C6: variants seen among roughly 807,000 people sequenced by gnomAD.
C6 encodes complement component C6.
C6 carries 101 observed loss-of-function variants against 112.9 expected under a neutral mutation model. The observed-to-expected ratio is 0.89, with a 90% CI of 0.76 to 1.06. C6 has a LOEUF of 1.06. Among genes scored for constraint, C6 ranks in the 50% least tolerant of loss-of-function variants. C6 has a pLI of 0.00. For synonymous variants in C6, 431 were observed against 384.1 expected (o/e 1.12, Z -1.43); for missense variants, 1,202 against 1,104.6 (o/e 1.09, Z -1.25).
chr5:41,232,679 G>A (rs1032632241), intron 1 of C6, among the ~76,000 whole-genome samples: 1 of 151,918 alleles, frequency 6.6e-6, no homozygotes, highest in African/African-American at 2.4e-5. Flanking sequence ...AGTCATTCAT[G>A]ATCTTTTTTG....
At chr5:41,221,149 TA>T (rs962765965) in intron 1 of C6, among the ~76,000 whole-genome samples, 1 of 152,158 alleles carries the variant, frequency 6.6e-6, no homozygotes, top group Admixed American at 6.6e-5. Flanking sequence ...AGAGCTGTTT[TA>T]TTTTTTTGCT....
intron 1 of C6, among the ~76,000 whole-genome samples, chr5:41,226,553 G>T (rs1164827580): frequency 1.3e-5 from 2 of 152,140 alleles, no homozygotes; most frequent in Non-Finnish European, 2.9e-5. Flanking sequence ...TCCTGAACTT[G>T]TTCCTCCTGT....
At chr5:41,191,158 C>T (rs1750175201) in intron 5 of C6, among the ~76,000 whole-genome samples, 1 of 150,544 alleles carries the variant, frequency 6.6e-6, no homozygotes, top group African/African-American at 2.5e-5. Context: ...CCTCCACCTC[C>T]CGGGTTCAAG....
intron 8 of C6, among the ~76,000 whole-genome samples, chr5:41,173,033 T>C (rs1016461156): frequency 6.6e-6 from 1 of 152,130 alleles, no homozygotes; most frequent in South Asian, 2.1e-4. Context: ...GGCTATTCTA[T>C]CTCTTCATGT....
At chr5:41,160,513 T>C in intron 10 of C6, 146 bp from the exon 11 acceptor site, 1 of 697,450 alleles carries the variant, frequency 1.4e-6, no homozygotes, top group Non-Finnish European at 2.6e-6. Context: ...TTGCACCTGT[T>C]GAACCAGTAG....
In C6 at chr5:41,142,572, A is replaced by G; in HGVS notation, c.*253T>C. The G allele has an allele frequency of 1.9e-6, 1 of 533,280 alleles. No individual in the cohort carries two copies. The highest frequency in any genetic ancestry group is 3.2e-5 in the East Asian group (1 of 31,624). The allele number at this position is 533,280 out of a possible 1,614,324, so 33.0% of individuals were successfully genotyped here. On this transcript the variant is annotated 3_prime_UTR_variant, in exon 18 of 18. Coordinates refer to ENST00000337836, the MANE Select transcript of C6 (RefSeq NM_000065.5). The stretch of plus-strand genomic sequence containing the variant: ...CACATTATTTTTGTACAATGTGAAC[A>G]GGAGAATTTACGAGACTGCTGTGGA...
At chr5:41,217,969 T>A (rs1258965953), upstream of C6, among the ~76,000 whole-genome samples, 1 of 152,154 alleles carries the variant, frequency 6.6e-6, no homozygotes, top group African/African-American at 2.4e-5. Context: ...AATCACAATC[T>A]AATGTTTTGG....
upstream of C6, among the ~76,000 whole-genome samples, chr5:41,216,237 A>G (rs541947375): frequency 1.3e-5 from 2 of 152,248 alleles, no homozygotes; most frequent in Middle Eastern, 3.4e-3. Flanking sequence ...TCTATGTGAT[A>G]AATACAACCA....
chr5:41,187,033 A>T (rs1038985507), intron 5 of C6, among the ~76,000 whole-genome samples: 1 of 152,176 alleles, frequency 6.6e-6, no homozygotes, highest in Non-Finnish European at 1.5e-5. Flanking sequence ...TATTACATAG[A>T]TTATAAAAAT....
In C6 at chr5:41,154,048, A is replaced by G. The variant is rs4957374; in HGVS notation, c.2102-50T>C. On this transcript the variant is annotated intron_variant, in intron 14 of 17. Coordinates refer to ENST00000337836, the MANE Select transcript of C6 (RefSeq NM_000065.5). ...GTGTTTAGTGGAGCAGAATAAACAA[A>G]AAATTTAGGCAAATTTTGTGCAACC... The G allele has an allele frequency of 1.9e-6, 3 of 1,567,346 alleles. No individual in the cohort carries two copies. The African/African-American group carries it at 4.1e-5, about 21-fold the overall frequency.
At chr5:41,206,652 G>T (rs1751458476) in intron 1 of C6, among the ~76,000 whole-genome samples, 1 of 152,164 alleles carries the variant, frequency 6.6e-6, no homozygotes, top group Non-Finnish European at 1.5e-5. Flanking sequence ...TGAATGAAAT[G>T]AAGTGAGAAG....
chr5:41,191,140 C>T (rs1279672911), intron 5 of C6, among the ~76,000 whole-genome samples: 2 of 137,440 alleles, frequency 1.5e-5, no homozygotes, highest in African/African-American at 5.5e-5. Context: ...GACCTCTGCT[C>T]ACTGCAACCT....
intron 7 of C6, among the ~76,000 whole-genome samples, chr5:41,178,963 C>T (rs1749096132): frequency 6.6e-6 from 1 of 152,176 alleles, no homozygotes; most frequent in South Asian, 2.1e-4. Flanking sequence ...AAGTGATTCT[C>T]CTGTCTCAGC....
At chr5:41,227,625 A>C (rs78525668) in intron 1 of C6, among the ~76,000 whole-genome samples, 1 of 152,092 alleles carries the variant, frequency 6.6e-6, no homozygotes, top group Non-Finnish European at 1.5e-5. Context: ...TGTGTCTTTG[A>C]TAACTTTTCA....
upstream of C6, among the ~76,000 whole-genome samples, chr5:41,218,116 G>A (rs1203746415): frequency 6.6e-6 from 1 of 152,078 alleles, no homozygotes; most frequent in Non-Finnish European, 1.5e-5. Context: ...ATACAAAGAT[G>A]AATACTTTCG....
intron 1 of C6, among the ~76,000 whole-genome samples, chr5:41,259,286 T>TTA (rs1741899044): frequency 6.6e-6 from 1 of 151,776 alleles, no homozygotes; most frequent in South Asian, 2.1e-4. Context: ...AAACAAAGAG[T>TTA]AAAAATAGCT....
At chr5:41,146,835 T>A (rs1369036458) in intron 17 of C6, among the ~76,000 whole-genome samples, 1 of 152,028 alleles carries the variant, frequency 6.6e-6, no homozygotes, top group African/African-American at 2.4e-5. Flanking sequence ...AAGACAGGTA[T>A]TTCGATAAAA....
Position 41,149,325 on chromosome 5 carries a change from G to T in C6, c.2539C>A (p.Leu847Ile). ...CQDGRQLEWG[L>I]ERTRLSSNST... Reference sequence around the variant, plus strand: ...TTGGATGAAAGTCTTGTCCTTTCAAGACCCCATTCTAACTGGCGGCCGTCT... The same window carrying T: ...TTGGATGAAAGTCTTGTCCTTTCAATACCCCATTCTAACTGGCGGCCGTCT... The change falls in exon 17 of 18, where the codon CTT (leucine) becomes ATT (isoleucine). Residue 847 changes from leucine to isoleucine, a missense_variant. Physicochemically the swap from Leu to Ile is conservative, Grantham distance 5 (BLOSUM62 2). Transcript: ENST00000337836. The T allele has an allele frequency of 6.2e-7, 1 of 1,614,034 alleles. No individual in the cohort carries two copies. Among genetic ancestry groups the T allele is most frequent in the Non-Finnish European group, 8.5e-7 (1 of 1,179,948 alleles).
At position 41,211,310 on chromosome 5, in the gene C6, T is replaced by C. The variant is rs6888631; in HGVS notation, c.-21+2066A>G. Among the ~76,000 whole-genome samples, 721 of 112,418 alleles carry C rather than the reference T, an allele frequency of 6.4e-3. 6 individuals carry two copies. The highest frequency in any genetic ancestry group is 0.019 in the African/African-American group (662 of 35,606). 73.8% of individuals were successfully genotyped at this position (112,418 alleles called of 152,430 possible). ...CTAAATGACGAGTTAATGGGTGCAG[T>C]ACACCAACATGGCATATGTATACAT... On this transcript the variant is annotated intron_variant, in intron 1 of 17. Transcript: ENST00000337836.
Sources: allele counts gnomAD v4.1 joint callset (sites outside exome capture counted in the v4.1 genomes callset), GRCh38; gene constraint gnomAD v4.1.1; transcripts MANE v1.5; gene names NCBI Gene and HGNC (gene_info 2026-07-23, HGNC 2026-07-21).